NIPAL3: variants seen among roughly 807,000 people sequenced by gnomAD.
NIPAL3 encodes NIPA like domain containing 3, also known as NIPA-like protein 3.
NIPAL3 carries 41 observed loss-of-function variants against 47.2 expected under a neutral mutation model. That is an observed-to-expected ratio of 0.87 (90% confidence interval 0.68 to 1.13). The LOEUF (loss-of-function observed/expected upper bound fraction) is 1.13. NIPAL3 is among the 50% of genes most tolerant of loss of function. The pLI is 0.00. For missense variants in NIPAL3, 449 were observed against 530.1 expected, an observed-to-expected ratio of 0.85 and a Z score of 1.50; for synonymous variants, 194 against 209.6, an observed-to-expected ratio of 0.93 and a Z score of 0.64.
rs1646105796 is a variant in NIPAL3, at chr1:24,454,505, A to T, written c.637+1001A>T. 2 of 991,564 alleles carry T rather than the reference A, an allele frequency of 2.0e-6. No homozygotes were observed. Among genetic ancestry groups the T allele is most frequent in the African/African-American group, 3.5e-5 (2 of 57,358 alleles). The allele number at this position is 991,564 out of a possible 1,614,324, so 61.4% of individuals were successfully genotyped here. Reference sequence around the variant, plus strand: ...GCCCTACCACCGCCACAAGCCATCAACCAAATAGATACCTGTCACCGAAGA... The same window carrying T: ...GCCCTACCACCGCCACAAGCCATCATCCAAATAGATACCTGTCACCGAAGA... On this transcript the variant is annotated intron_variant, in intron 7 of 11. Coordinates refer to ENST00000374399, the MANE Select transcript of NIPAL3 (RefSeq NM_020448.5). The surrounding 1 kb of genome is among the most constrained non-coding windows in gnomAD (Gnocchi z 4.1).
intron 2 of NIPAL3, chr1:24,421,873 T>C (rs142263324): frequency 1.3e-5 from 2 of 152,304 alleles, no homozygotes; most frequent in African/African-American, 2.4e-5. Flanking sequence ...AACTAGTAAG[T>C]TGTGCAACCA....
chr1:24,419,572 C>A lies in NIPAL3; in HGVS notation c.25C>A (p.Leu9Met). 6.2e-7 allele frequency: 1 copy of A among 1,613,970 alleles called. No individual in the cohort carries two copies. Among genetic ancestry groups the A allele is most frequent in the East Asian group, 2.2e-5 (1 of 44,878 alleles). ...CATGGACGGATCCCACAGCGCAGCCCTGAAGCTGCAGCAGCTGCCTCCCAC... is the reference window on the plus strand; with the variant it reads ...CATGGACGGATCCCACAGCGCAGCCATGAAGCTGCAGCAGCTGCCTCCCAC... MDGSHSAA[L>M]KLQQLPPTSS... Residue 9 changes from leucine to methionine, a missense_variant, in exon 2 of 12, where the codon CTG (leucine) becomes ATG (methionine). Leu to Met is a conservative substitution (Grantham distance 15). Transcript: ENST00000374399.
At chr1:24,439,021 A>G (rs1406519058) in intron 2 of NIPAL3, among the ~76,000 whole-genome samples, 2 of 152,118 alleles carry the variant, frequency 1.3e-5, no homozygotes, top group Non-Finnish European at 2.9e-5. Flanking sequence ...AGGAAACATA[A>G]TAGACACGGG....
chr1:24,463,235 A>T (rs1279247058), intron 10 of NIPAL3, among the ~76,000 whole-genome samples: 1 of 152,196 alleles, frequency 6.6e-6, no homozygotes, highest in South Asian at 2.1e-4. Context: ...TTAACATTTT[A>T]TCAAATGAAA....
At chr1:24,462,295 G>C (rs1646506448) in intron 10 of NIPAL3, among the ~76,000 whole-genome samples, 1 of 152,196 alleles carries the variant, frequency 6.6e-6, no homozygotes, top group South Asian at 2.1e-4. Context: ...GATGAGATTT[G>C]GGTGGGGAAA....
intron 11 of NIPAL3, among the ~76,000 whole-genome samples, chr1:24,467,122 G>C (rs753126740): frequency 3.3e-4 from 50 of 152,108 alleles, no homozygotes; most frequent in Non-Finnish European, 5.7e-4. Context: ...GGATTGTTTA[G>C]GGATTAAGTG....
intron 5 of NIPAL3, among the ~76,000 whole-genome samples, chr1:24,446,539 T>G (rs1645675361): frequency 6.6e-6 from 1 of 152,106 alleles, no homozygotes; most frequent in Non-Finnish European, 1.5e-5. Context: ...TGGTTTTCTG[T>G]TCCTGCATTA....
At chr1:24,468,913 G>A (rs985221721) in intron 11 of NIPAL3, 73 bp from the exon 12 acceptor site, 19 of 1,349,478 alleles carry the variant, frequency 1.4e-5, no homozygotes, top group African/African-American at 4.3e-5. Flanking sequence ...AGTCTGTGGC[G>A]GGATAGAGGG....
At chr1:24,445,030 G>A (rs991194291) in intron 4 of NIPAL3, among the ~76,000 whole-genome samples, 155 bp from the exon 5 acceptor site, 1 of 152,154 alleles carries the variant, frequency 6.6e-6, no homozygotes, top group Non-Finnish European at 1.5e-5. Flanking sequence ...TTTCCTAGAT[G>A]GAATCACACA....
At chr1:24,465,941 G>A in intron 11 of NIPAL3, 1 of 1,550,452 alleles carries the variant, frequency 6.4e-7, no homozygotes, top group Non-Finnish European at 8.7e-7. Context: ...TCTAAACAGA[G>A]GTGCTTTTCC....
chr1:24,419,092 G>C (rs754517640), intron 1 of NIPAL3, among the ~76,000 whole-genome samples, 199 bp from the exon 2 acceptor site: 4 of 152,038 alleles, frequency 2.6e-5, no homozygotes, highest in Non-Finnish European at 5.9e-5. Context: ...GATGAGTCAG[G>C]TTTGTATTAA....
chr1:24,416,073 C>T lies in NIPAL3; in HGVS notation c.-258+169C>T. 1.0e-6 allele frequency: 1 copy of T among 985,646 alleles called. No homozygotes were observed. The highest frequency in any genetic ancestry group is 1.2e-6 in the Non-Finnish European group (1 of 830,114). 61.1% of individuals were successfully genotyped at this position (985,646 alleles called of 1,614,324 possible). A position where few individuals can be genotyped will look rare whatever the true frequency, so the allele number is the denominator to read the frequency against. ...CCTTGGAATGTTCTTTCCAGTTTTG[C>T]ATCGAGGCCAAGAGGAGCGGGGGCA... On this transcript the variant is annotated intron_variant, in intron 1 of 11. Transcript: ENST00000374399. This position sits in a 1 kb window ranked among gnomAD's most constrained non-coding sequence, Gnocchi z 4.8.
At chr1:24,448,559 T>C (rs529207745) in intron 5 of NIPAL3, among the ~76,000 whole-genome samples, 1 of 152,326 alleles carries the variant, frequency 6.6e-6, no homozygotes, top group South Asian at 2.1e-4. Context: ...ATTTGTTTTT[T>C]TAGTTTGCCC....
intron 2 of NIPAL3, among the ~76,000 whole-genome samples, chr1:24,421,089 G>A (rs920844156): frequency 1.3e-5 from 2 of 151,980 alleles, no homozygotes; most frequent in African/African-American, 4.8e-5. Flanking sequence ...AAGCCAAGAC[G>A]GGTGGATGGC....
At chr1:24,467,259 C>T (rs1041673020) in intron 11 of NIPAL3, among the ~76,000 whole-genome samples, 2 of 151,584 alleles carry the variant, frequency 1.3e-5, no homozygotes, top group Non-Finnish European at 1.5e-5. Context: ...GTCAGGAGAT[C>T]GAGACCATCC....
At chr1:24,434,229 T>C (rs940508515) in intron 2 of NIPAL3, among the ~76,000 whole-genome samples, 2 of 151,828 alleles carry the variant, frequency 1.3e-5, no homozygotes, top group African/African-American at 4.8e-5. Context: ...CACAAATAGA[T>C]TGAAAGTAAA....
chr1:24,417,206 C>T (rs151025399), intron 1 of NIPAL3, among the ~76,000 whole-genome samples: 46 of 152,214 alleles, frequency 3.0e-4, no homozygotes, highest in Non-Finnish European at 5.0e-4. Context: ...TGGGCTAGAT[C>T]TCATTTAGTC....
intron 5 of NIPAL3, among the ~76,000 whole-genome samples, chr1:24,448,295 G>A (rs997266818): frequency 6.6e-6 from 1 of 152,120 alleles, no homozygotes; most frequent in African/African-American, 2.4e-5. Flanking sequence ...GGGCTGGGCC[G>A]GACCTTGGAG....
chr1:24,454,467 C>T lies in NIPAL3; in HGVS notation c.637+963C>T, dbSNP rs1251647583. 1.0e-6 allele frequency: 1 copy of T among 996,786 alleles called. No homozygotes were observed. The highest frequency in any genetic ancestry group is 1.2e-6 in the Non-Finnish European group (1 of 836,788). The allele number at this position is 996,786 out of a possible 1,614,324, so 61.7% of individuals were successfully genotyped here. ...CTAATATGTGCATTTTTCTTCCAAC[C>T]TTCCTACTGTGTGCCCTACCACCGC... On this transcript the variant is annotated intron_variant, in intron 7 of 11. Coordinates refer to ENST00000374399, the MANE Select transcript of NIPAL3 (RefSeq NM_020448.5). The surrounding 1 kb of genome is among the most constrained non-coding windows in gnomAD (Gnocchi z 4.1).
Sources: gnomAD v4.1 joint callset for allele counts (sites outside exome capture counted in the v4.1 genomes callset) on GRCh38, gnomAD v4.1.1 for gene constraint, Gnocchi (gnomAD v3.1) non-coding constraint, MANE v1.5 for transcripts, NCBI Gene and HGNC (gene_info 2026-07-23, HGNC 2026-07-21) for gene names.